Variants in ZFAT observed in about 807,000 individuals in gnomAD.
ZFAT encodes zinc finger and AT-hook domain containing.
ZFAT carries 64 observed loss-of-function variants against 117.7 expected under a neutral mutation model. The ratio of observed to expected loss-of-function variants is 0.54; its 90% CI spans 0.44 to 0.67. ZFAT has a LOEUF of 0.67. Ranked by LOEUF, ZFAT falls within the 30% of genes least tolerant of loss-of-function variation. The pLI, the probability that ZFAT is intolerant of heterozygous loss-of-function variation, is 0.00. For synonymous variants in ZFAT, 679 were observed against 615.0 expected, an observed-to-expected ratio of 1.10 and a Z score of -1.54; for missense variants, 1,433 against 1,584.5, an observed-to-expected ratio of 0.90 and a Z score of 1.62.
chr8:134,600,822 A>G, intron 6 of ZFAT, 154 bp from the exon 7 acceptor site: 1 of 660,624 alleles, frequency 1.5e-6, no homozygotes, highest in South Asian at 2.4e-5. Flanking sequence ...CTGTCTGAAA[A>G]TTACTCTTCA....
At chr8:134,749,971 T>C in the ZFAT span, among the ~76,000 whole-genome samples, 16 of 152,208 alleles carry the variant, frequency 1.1e-4, no homozygotes, top group Non-Finnish European at 1.9e-4. Context: ...CAAATCCTTC[T>C]ACATTTTTCT....
In ZFAT at chr8:134,527,911, G is replaced by C. The variant is rs570063861; in HGVS notation, c.3115+4923C>G. On this transcript the variant is annotated intron_variant, in intron 12 of 15. Coordinates refer to ENST00000377838, the MANE Select transcript of ZFAT (RefSeq NM_020863.4). ...ATCTGAGACACTCTGGATTACCATA[G>C]GGAAGGACTTGCAAAGAAATAGGTT... Among the ~76,000 whole-genome samples, 35 of 152,276 alleles carry C rather than the reference G, an allele frequency of 2.3e-4. No individual in the cohort carries two copies. The South Asian group carries it at 6.8e-3, about 30-fold the overall frequency.
At chr8:134,560,267 A>T (rs1206422653) in intron 11 of ZFAT, among the ~76,000 whole-genome samples, 1 of 152,034 alleles carries the variant, frequency 6.6e-6, no homozygotes, top group Non-Finnish European at 1.5e-5. Context: ...TCTATCACTG[A>T]CACCACCCAT....
intron 11 of ZFAT, among the ~76,000 whole-genome samples, chr8:134,555,577 TG>T (rs1279724663): frequency 2.6e-5 from 4 of 152,220 alleles, no homozygotes; most frequent in Non-Finnish European, 5.9e-5. Context: ...CTCAGTCTAC[TG>T]TTTTTTCACA....
At chr8:134,533,395 C>A (rs1586657759) in intron 11 of ZFAT, among the ~76,000 whole-genome samples, 1 of 152,214 alleles carries the variant, frequency 6.6e-6, no homozygotes, top group Admixed American at 6.5e-5. Context: ...CACTCAACTA[C>A]AGACTGCAAA....
intron 3 of ZFAT, among the ~76,000 whole-genome samples, chr8:134,634,588 G>GAC (rs60734517): frequency 0.11 from 16,936 of 151,220 alleles, 1,064 homozygotes; most frequent in Non-Finnish European, 0.15. Flanking sequence ...TATACATATT[G>GAC]ACACACACAC....
chr8:134,643,197 C>T (rs1354633569), intron 2 of ZFAT, among the ~76,000 whole-genome samples: 1 of 152,234 alleles, frequency 6.6e-6, no homozygotes, highest in African/African-American at 2.4e-5. Flanking sequence ...AGAAGATTAA[C>T]TTATTTGCTC....
chr8:134,502,251 C>A (rs1423449640), intron 15 of ZFAT, among the ~76,000 whole-genome samples: 3 of 152,204 alleles, frequency 2.0e-5, no homozygotes, highest in Non-Finnish European at 2.9e-5. Context: ...CCAGAGGCTG[C>A]ACTTGAGAAG....
intron 6 of ZFAT, 29 bp downstream of exon 6, chr8:134,601,448 G>C (rs756088533): frequency 1.3e-6 from 2 of 1,573,496 alleles, no homozygotes; most frequent in African/African-American, 2.7e-5. Flanking sequence ...TTGTGGACAG[G>C]GCCACGCACC....
chr8:134,737,306 A>ATT, the ZFAT span, among the ~76,000 whole-genome samples: 3 of 122,664 alleles, frequency 2.4e-5, no homozygotes, highest in African/African-American at 9.9e-5. Flanking sequence ...AAAAATAAAA[A>ATT]TAAAAAAATA....
At chr8:134,537,341 T>C (rs962836205) in intron 11 of ZFAT, among the ~76,000 whole-genome samples, 4 of 152,178 alleles carry the variant, frequency 2.6e-5, no homozygotes, top group Admixed American at 1.3e-4. Flanking sequence ...CCACTGGCCA[T>C]TTTTTTCCCT....
chr8:134,558,693 G>C (rs1823829773), intron 11 of ZFAT, among the ~76,000 whole-genome samples: 1 of 152,140 alleles, frequency 6.6e-6, no homozygotes, highest in Admixed American at 6.5e-5. Flanking sequence ...TCGAGAACTA[G>C]AGTCATTTTC....
intron 6 of ZFAT, 76 bp downstream of exon 6, chr8:134,601,401 A>G: frequency 6.6e-7 from 1 of 1,520,350 alleles, no homozygotes; most frequent in Non-Finnish European, 8.8e-7. Context: ...AACAGACATG[A>G]GCTCAAATCA....
At chr8:134,673,810 C>A (rs1010217761) in intron 1 of ZFAT, among the ~76,000 whole-genome samples, 4 of 152,138 alleles carry the variant, frequency 2.6e-5, no homozygotes, top group African/African-American at 9.7e-5. Flanking sequence ...ACAGGAAACC[C>A]AACATCAAGA....
the ZFAT span, among the ~76,000 whole-genome samples, chr8:134,803,241 T>C: frequency 1.9e-3 from 289 of 152,336 alleles, 1 homozygote; most frequent in African/African-American, 6.6e-3. Context: ...TATGCATCCA[T>C]CTTACTAAAT....
At chr8:134,819,675 C>G in the ZFAT span, among the ~76,000 whole-genome samples, 1 of 152,088 alleles carries the variant, frequency 6.6e-6, no homozygotes, top group African/African-American at 2.4e-5. Flanking sequence ...GATCCTTGTT[C>G]TACTTCTAGT....
chr8:134,586,879 ATT>A (rs1826106272), intron 9 of ZFAT, among the ~76,000 whole-genome samples: 1 of 152,166 alleles, frequency 6.6e-6, no homozygotes. Flanking sequence ...CCTGGGGCAA[ATT>A]ACTTCACCTC....
chr8:134,588,130 A>G (rs1362702816), intron 9 of ZFAT, 116 bp downstream of exon 9: 3 of 1,245,202 alleles, frequency 2.4e-6, no homozygotes, highest in Non-Finnish European at 2.2e-6. Context: ...TCAGTGTGCT[A>G]AGGAAATTCT....
At chr8:134,791,758 C>G in the ZFAT span, among the ~76,000 whole-genome samples, 1 of 151,998 alleles carries the variant, frequency 6.6e-6, no homozygotes, top group Non-Finnish European at 1.5e-5. Flanking sequence ...TGACAATATG[C>G]CCAGCAAAAA....
Sources: gnomAD v4.1 joint callset for allele counts (sites outside exome capture counted in the v4.1 genomes callset) on GRCh38, gnomAD v4.1.1 for gene constraint, MANE v1.5 for transcripts, NCBI Gene and HGNC (gene_info 2026-07-23, HGNC 2026-07-21) for gene names.